Variants in FAR2 observed in about 807,000 individuals in gnomAD.
FAR2 encodes fatty acyl-CoA reductase 2.
FAR2 carries 19 observed loss-of-function variants against 56.0 expected under a neutral mutation model. That is an observed-to-expected ratio of 0.34 (90% CI 0.24 to 0.50). The LOEUF is 0.50. Ranked by LOEUF, FAR2 falls within the 20% of genes least tolerant of loss-of-function variation. The pLI, the probability that FAR2 is intolerant of heterozygous loss-of-function variation, is 0.98. For missense variants in FAR2, 508 were observed against 642.2 expected, an observed-to-expected ratio of 0.79 and a Z score of 2.26; for synonymous variants, 219 against 218.8, an observed-to-expected ratio of 1.00 and a Z score of -0.01.
chr12:29,299,596 T>G (rs1479775265), intron 4 of FAR2, among the ~76,000 whole-genome samples: 1 of 152,224 alleles, frequency 6.6e-6, no homozygotes, highest in Non-Finnish European at 1.5e-5. Flanking sequence ...TCTCAACAGA[T>G]AAATTCTGGG....
In FAR2 at chr12:29,317,004, G is replaced by A. The variant is rs75418976; in HGVS notation, c.1119G>A (p.Arg373=). The stretch of plus-strand genomic sequence containing the variant: ...ACTGCTATCTGCGGCTCACTGGAAG[G>A]AAGCCCAGGTGAGAAGCTGAGTCAA... ...IYDCYLRLTG[R]KPRMTKLMNR... is the part of the protein sequence containing the mutation. The change falls in exon 9 of 12, where the codon AGG becomes AGA. Residue 373 remains arginine (R), a synonymous_variant. Coordinates refer to ENST00000536681, the MANE Select transcript of FAR2 (RefSeq NM_001271783.2). The A allele has an allele frequency of 0.016, 25,824 of 1,612,770 alleles. 261 individuals are homozygous for A. Among genetic ancestry groups the A allele is most frequent in the South Asian group, 0.02 (1,798 of 91,036 alleles).
intron 11 of FAR2, 122 bp from the exon 12 acceptor site, chr12:29,333,510 A>C: frequency 1.1e-6 from 1 of 891,002 alleles, no homozygotes; most frequent in East Asian, 2.5e-5. Context: ...AAGTTATATC[A>C]AATACTCTGA....
intron 1 of FAR2, among the ~76,000 whole-genome samples, chr12:29,265,116 G>C (rs1336778901): frequency 2.0e-5 from 3 of 152,164 alleles, no homozygotes; most frequent in Non-Finnish European, 4.4e-5. Flanking sequence ...GCAATCTACA[G>C]ATTCAATGCC....
intron 1 of FAR2, among the ~76,000 whole-genome samples, chr12:29,159,297 G>A (rs2136576080): frequency 6.6e-6 from 1 of 152,222 alleles, no homozygotes; most frequent in South Asian, 2.1e-4. Context: ...CTAGCACTTT[G>A]GGAGGCCAAG....
intron 1 of FAR2, among the ~76,000 whole-genome samples, chr12:29,158,943 C>T (rs944660581): frequency 6.6e-6 from 1 of 152,138 alleles, no homozygotes; most frequent in African/African-American, 2.4e-5. Flanking sequence ...AATTCCATTC[C>T]ATTCATTCAT....
At chr12:29,202,369 T>G (rs1947427072) in intron 1 of FAR2, among the ~76,000 whole-genome samples, 1 of 152,184 alleles carries the variant, frequency 6.6e-6, no homozygotes, top group Non-Finnish European at 1.5e-5. Context: ...ACTTCTAGAC[T>G]CCTCAAAAAG....
intron 1 of FAR2, among the ~76,000 whole-genome samples, chr12:29,238,048 A>G (rs923106275): frequency 1.3e-5 from 2 of 152,198 alleles, no homozygotes; most frequent in African/African-American, 2.4e-5. Context: ...GTAACAGAAT[A>G]TGAAAAGTTC....
intron 1 of FAR2, among the ~76,000 whole-genome samples, chr12:29,217,029 T>G (rs34400393): frequency 2.0e-5 from 3 of 152,314 alleles, no homozygotes; most frequent in Admixed American, 2.0e-4. Context: ...ATGACACATT[T>G]AAAAAATATT....
intron 2 of FAR2, among the ~76,000 whole-genome samples, chr12:29,290,316 C>T (rs575524519): frequency 1.3e-5 from 2 of 152,078 alleles, no homozygotes; most frequent in Non-Finnish European, 2.9e-5. Context: ...CATGGTGGTG[C>T]ATACTTGTAA....
rs774279311 is a variant in FAR2, at chr12:29,160,673, G to T, written c.-39+11266G>T. 3.3e-5 allele frequency among the ~76,000 whole-genome samples: 5 copies of T among 152,276 alleles called. 1 individual carries two copies. The South Asian group carries it at 1.0e-3, about 32-fold the overall frequency. On this transcript the variant is annotated intron_variant, in intron 1 of 11. Transcript: ENST00000536681. ...AGATGTCTGAGATCCAGGTGTCAGC[G>T]GGGTTGGCTTCTGAGAGCTGTGAGG...
At chr12:29,256,759 C>G (rs942498008) in intron 1 of FAR2, among the ~76,000 whole-genome samples, 3 of 152,224 alleles carry the variant, frequency 2.0e-5, no homozygotes, top group Non-Finnish European at 4.4e-5. Flanking sequence ...CCCTGCCAGC[C>G]CCGGCAATGA....
At chr12:29,184,784 T>A (rs1259522321) in intron 1 of FAR2, among the ~76,000 whole-genome samples, 1 of 152,134 alleles carries the variant, frequency 6.6e-6, no homozygotes, top group Non-Finnish European at 1.5e-5. Context: ...AAATCTTTAG[T>A]AGCATATTCT....
At chr12:29,264,789 ACCAAGAAACTGT>A in intron 1 of FAR2, among the ~76,000 whole-genome samples, 1 of 152,144 alleles carries the variant, frequency 6.6e-6, no homozygotes, top group Middle Eastern at 3.4e-3. Flanking sequence ...TAAACACTCC[ACCAAGAAACTGT>A]TAGAACTGAT....
At chr12:29,285,612 AAGTC>A (rs1340626337) in intron 2 of FAR2, among the ~76,000 whole-genome samples, 3 of 152,194 alleles carry the variant, frequency 2.0e-5, no homozygotes, top group Admixed American at 1.3e-4. Context: ...CAATCACATT[AAGTC>A]TTTTTCTTAA....
chr12:29,203,924 T>C (rs944887675), intron 1 of FAR2, among the ~76,000 whole-genome samples: 2 of 125,072 alleles, frequency 1.6e-5, no homozygotes, highest in Non-Finnish European at 3.1e-5. Flanking sequence ...GGCGTGAACC[T>C]GGGAGGCGGA....
At chr12:29,327,248 A>G (rs1949664023) in intron 10 of FAR2, among the ~76,000 whole-genome samples, 1 of 152,198 alleles carries the variant, frequency 6.6e-6, no homozygotes, top group Non-Finnish European at 1.5e-5. Context: ...TCAATGAAAT[A>G]AAAGAAGATA....
chr12:29,265,561 A>C (rs897746665), intron 1 of FAR2, among the ~76,000 whole-genome samples: 7 of 152,220 alleles, frequency 4.6e-5, no homozygotes, highest in African/African-American at 1.4e-4. Flanking sequence ...TAAGATCTCG[A>C]ACTATGAAAC....
At chr12:29,328,707 A>C (rs999755871) in intron 10 of FAR2, among the ~76,000 whole-genome samples, 51 of 137,222 alleles carry the variant, frequency 3.7e-4, no homozygotes, top group African/African-American at 1.3e-3. Context: ...ACACATGGAC[A>C]CAGGAAGGGG....
rs191784776 is a variant in FAR2 at position 29,248,811 on chromosome 12, C to A, written c.-38-21601C>A. On this transcript the variant is annotated intron_variant, in intron 1 of 11. Coordinates refer to ENST00000536681, the MANE Select transcript of FAR2 (RefSeq NM_001271783.2). The stretch of plus-strand genomic sequence containing the variant: ...AGACCCACCCCCAGGTGTGTATTCT[C>A]TTTCCCAGGGATGTTCCTTGCTGAG... Among the ~76,000 whole-genome samples the A allele has an allele frequency of 1.3e-4, 20 of 152,320 alleles. No individual in the cohort carries two copies. The East Asian group carries it at 3.9e-3, about 29-fold the overall frequency.
Sources: gnomAD v4.1 joint callset for allele counts (sites outside exome capture counted in the v4.1 genomes callset) on GRCh38, gnomAD v4.1.1 for gene constraint, MANE v1.5 for transcripts, NCBI Gene and HGNC (gene_info 2026-07-23, HGNC 2026-07-21) for gene names.